FREM2: variants seen among roughly 807,000 people sequenced by gnomAD.
The protein encoded by FREM2 is FRAS1-related extracellular matrix protein 2.
Under a neutral mutation model 219.9 loss-of-function variants are expected in FREM2, and 119 were observed. The ratio of observed to expected loss-of-function variants is 0.54; its 90% CI spans 0.47 to 0.63. FREM2 has a LOEUF of 0.63. FREM2 is among the 30% of genes least tolerant of loss of function. The pLI is 0.00. For synonymous variants in FREM2, 1,562 were observed against 1,522.8 expected, an observed-to-expected ratio of 1.03 and a Z score of -0.60; for missense variants, 4,030 against 3,993.6, an observed-to-expected ratio of 1.01 and a Z score of -0.25.
intron 2 of FREM2, among the ~76,000 whole-genome samples, chr13:38,758,258 A>G (rs1023366024): frequency 6.6e-6 from 1 of 152,168 alleles, no homozygotes; most frequent in Non-Finnish European, 1.5e-5. Context: ...AATTCTTTGA[A>G]GTTCCTTTTT....
At chr13:38,709,346 C>A (rs1408505589) in intron 2 of FREM2, among the ~76,000 whole-genome samples, 3 of 151,998 alleles carry the variant, frequency 2.0e-5, no homozygotes, top group African/African-American at 7.2e-5. Context: ...AAGCTAGATT[C>A]AAAACATGGA....
chr13:38,704,802 C>A (rs78089148), intron 2 of FREM2, among the ~76,000 whole-genome samples: 1,661 of 152,266 alleles, frequency 0.011, 11 homozygotes, highest in Middle Eastern at 0.024. Context: ...AGGAAACTTA[C>A]AATCACAGCA....
At chr13:38,754,608 C>A (rs567189629) in intron 2 of FREM2, among the ~76,000 whole-genome samples, 1 of 152,210 alleles carries the variant, frequency 6.6e-6, no homozygotes, top group South Asian at 2.1e-4. Flanking sequence ...TGCAGGGTTG[C>A]TGTGAGATGC....
chr13:38,739,271 C>T (rs751511632), intron 2 of FREM2, among the ~76,000 whole-genome samples: 3 of 152,118 alleles, frequency 2.0e-5, no homozygotes, highest in Admixed American at 6.6e-5. Flanking sequence ...GGAAGACAAG[C>T]GCCTGAAACT....
At chr13:38,737,603 GA>G (rs985642117) in intron 2 of FREM2, among the ~76,000 whole-genome samples, 3 of 152,174 alleles carry the variant, frequency 2.0e-5, no homozygotes, top group African/African-American at 7.2e-5. Context: ...AGCAGTGAAG[GA>G]AACAGCCTAG....
Position 38,783,113 on chromosome 13 carries a change from A to T in FREM2, c.5685A>T (p.Glu1895Asp). 6.2e-7 allele frequency: 1 copy of T among 1,613,970 alleles called. No individual in the cohort carries two copies. Among genetic ancestry groups the T allele is most frequent in the East Asian group, 2.2e-5 (1 of 44,868 alleles). The change falls in exon 5 of 24, where the codon GAA becomes GAT. Residue 1895 changes from glutamate to aspartate, a missense_variant. This residue lies in a region of FREM2 where 3,102 missense variants were observed against 2,950.7 expected (regional missense o/e 1.05). Coordinates refer to ENST00000280481, the MANE Select transcript of FREM2 (RefSeq NM_207361.6). ...FIPQSKYSVE[E>D]DVGELFIPIR... ...CCCAGTCCAAATACTCCGTTGAAGAAGATGTTGGTGAGCTGTTCATTCCCA... is the reference window on the plus strand; with the variant it reads ...CCCAGTCCAAATACTCCGTTGAAGATGATGTTGGTGAGCTGTTCATTCCCA...
intron 10 of FREM2, 34 bp from the exon 11 acceptor site, chr13:38,851,652 C>A (rs781155427): frequency 6.8e-7 from 1 of 1,476,386 alleles, no homozygotes; most frequent in Middle Eastern, 2.2e-4. Context: ...CCCTTACTAA[C>A]AATTTCATTT....
In FREM2 at chr13:38,885,796, A is replaced by G. The variant is rs1226159620; in HGVS notation, c.*5009A>G. The G allele has an allele frequency of 2.0e-5, 3 of 152,190 alleles. No homozygotes were observed. In the East Asian group the frequency reaches 5.8e-4, roughly 29 times the overall value. The allele number at this position is 152,190 out of a possible 1,614,324, so 9.4% of individuals were successfully genotyped here. On this transcript the variant is annotated 3_prime_UTR_variant, in exon 24 of 24. Coordinates refer to ENST00000280481, the MANE Select transcript of FREM2 (RefSeq NM_207361.6). ...ATTTTTCTCTCAATGGAGGTTCAACATTGACATTTAAGATGTAAAAAAAAT... is the reference window on the plus strand; with the variant it reads ...ATTTTTCTCTCAATGGAGGTTCAACGTTGACATTTAAGATGTAAAAAAAAT...
chr13:38,808,737 G>A (rs992811106), intron 6 of FREM2, among the ~76,000 whole-genome samples: 3 of 151,784 alleles, frequency 2.0e-5, no homozygotes, highest in Non-Finnish European at 2.9e-5. Context: ...ACTGATCATA[G>A]GACACTATAA....
At chr13:38,832,816 G>A (rs186417326) in intron 6 of FREM2, among the ~76,000 whole-genome samples, 7 of 152,102 alleles carry the variant, frequency 4.6e-5, no homozygotes, top group South Asian at 2.1e-4. Context: ...AAGCTGAGGC[G>A]GACAGATCGC....
At chr13:38,876,446 T>TTAAAAA (rs1555274159) in intron 20 of FREM2, 64 bp downstream of exon 20, 12,554 of 1,109,026 alleles carry the variant, frequency 0.011, 44 homozygotes, top group Middle Eastern at 0.025. Context: ...CATTTATTAG[T>TTAAAAA]AAAAAAAAAA....
At chr13:38,695,048 A>C (rs1268892711) in intron 1 of FREM2, among the ~76,000 whole-genome samples, 1 of 152,240 alleles carries the variant, frequency 6.6e-6, no homozygotes, top group African/African-American at 2.4e-5. Context: ...ACTGAAATAA[A>C]TTTAATGTAT....
In FREM2 at chr13:38,689,297, C is replaced by G. The variant is rs766908727; in HGVS notation, c.1953C>G (p.Gly651=). The G allele has an allele frequency of 4.3e-6, 7 of 1,613,984 alleles. No individual in the cohort carries two copies. Among genetic ancestry groups the G allele is most frequent in the Non-Finnish European group, 5.9e-6 (7 of 1,180,026 alleles). Residue 651 remains glycine, a synonymous_variant, in exon 1 of 24, where the codon GGC becomes GGG. Transcript: ENST00000280481. ...GGCAGCAGCAGGACATAACAGAGGG[C>G]AGGCTGTTCTATAGACACTCTGGGC... ...TEWQQQDITE[G]RLFYRHSGPH... is the part of the protein sequence containing the mutation.
At chr13:38,843,541 A>G (rs1213141487) in intron 6 of FREM2, among the ~76,000 whole-genome samples, 1 of 151,984 alleles carries the variant, frequency 6.6e-6, no homozygotes, top group Non-Finnish European at 1.5e-5. Flanking sequence ...TTGCATAGAT[A>G]CCTTTCAAAG....
intron 2 of FREM2, among the ~76,000 whole-genome samples, chr13:38,713,682 C>T (rs916908413): frequency 5.9e-5 from 9 of 152,174 alleles, no homozygotes; most frequent in Non-Finnish European, 1.2e-4. Context: ...TTCATGTTAT[C>T]CCTTCCCCAA....
chr13:38,813,958 T>C (rs2137868167), intron 6 of FREM2, among the ~76,000 whole-genome samples: 1 of 152,196 alleles, frequency 6.6e-6, no homozygotes, highest in South Asian at 2.1e-4. Flanking sequence ...TTTATCCTGC[T>C]TGATCGATTC....
intron 2 of FREM2, among the ~76,000 whole-genome samples, chr13:38,747,851 A>G (rs966112960): frequency 5.9e-5 from 9 of 152,200 alleles, no homozygotes; most frequent in Admixed American, 3.3e-4. Flanking sequence ...ATGTTGCAGC[A>G]TTATCCTTTT....
chr13:38,831,748 T>C (rs1295908560), intron 6 of FREM2, among the ~76,000 whole-genome samples: 2 of 151,008 alleles, frequency 1.3e-5, no homozygotes, highest in African/African-American at 4.9e-5. Context: ...TAGCTGGGAC[T>C]ACAGGTGTGC....
intron 21 of FREM2, 38 bp from the exon 22 acceptor site, chr13:38,878,096 C>T (rs1256596509): frequency 3.7e-5 from 56 of 1,525,526 alleles, no homozygotes; most frequent in Non-Finnish European, 5.0e-5. Flanking sequence ...TATACCTTAT[C>T]ATATAACAGA....
Sources: allele counts gnomAD v4.1 joint callset (sites outside exome capture counted in the v4.1 genomes callset), GRCh38; gene constraint gnomAD v4.1.1; regional missense constraint gnomAD v4.1.1; transcripts MANE v1.5; gene names NCBI Gene and HGNC (gene_info 2026-07-23, HGNC 2026-07-21).